The following SNTG1 variants were observed in gnomAD, a reference collection of about 807,000 sequenced individuals.
SNTG1 encodes the protein gamma-1-syntrophin.
SNTG1 carries 39 observed loss-of-function variants against 74.7 expected under a neutral mutation model. The observed-to-expected ratio is 0.52, with a 90% confidence interval of 0.40 to 0.68. SNTG1 has a LOEUF of 0.68. SNTG1 is among the 30% of genes least tolerant of loss of function. The pLI is 0.00. For synonymous variants in SNTG1, 254 were observed against 217.1 expected, an observed-to-expected ratio of 1.17 and a Z score of -1.49; for missense variants, 685 against 609.5, an observed-to-expected ratio of 1.12 and a Z score of -1.30.
intron 1 of SNTG1, among the ~76,000 whole-genome samples, chr8:50,004,075 T>C (rs1027549673): frequency 1.3e-5 from 2 of 152,154 alleles, no homozygotes; most frequent in African/African-American, 4.8e-5. Flanking sequence ...CAGGAAAAGC[T>C]AATACCCTGA....
At position 50,394,267 on chromosome 8, in the gene SNTG1, T is replaced by G; in HGVS notation, c.27+2T>G. 1 of 1,612,660 alleles carries G rather than the reference T, an allele frequency of 6.2e-7. No individual in the cohort carries two copies. The highest frequency in any genetic ancestry group is 8.5e-7 in the Non-Finnish European group (1 of 1,179,176). ...GATTTCAGAACCGCCTGTGAGGAGG[T>G]GAGTACAGAGCTTTCTGCTTTTCAA... On this transcript the variant is annotated splice_donor_variant, in intron 3 of 18. Transcript: ENST00000642720. LOFTEE classifies it high-confidence loss of function.
At chr8:50,568,618 G>A (rs1306385320) in intron 12 of SNTG1, among the ~76,000 whole-genome samples, 2 of 151,660 alleles carry the variant, frequency 1.3e-5, no homozygotes, top group Non-Finnish European at 2.9e-5. Flanking sequence ...ATACCTCTTG[G>A]CCATTCATAT....
intron 1 of SNTG1, among the ~76,000 whole-genome samples, chr8:50,127,467 G>T (rs1179373961): frequency 4.6e-5 from 7 of 152,032 alleles, no homozygotes; most frequent in Admixed American, 2.0e-4. Context: ...CATCAAAATG[G>T]TTATTCTGGC....
At chr8:50,355,313 T>A (rs145752720) in intron 2 of SNTG1, among the ~76,000 whole-genome samples, 2 of 152,060 alleles carry the variant, frequency 1.3e-5, no homozygotes, top group Admixed American at 6.5e-5. Context: ...CCACCTCCAA[T>A]CGAAATGACA....
intron 1 of SNTG1, among the ~76,000 whole-genome samples, chr8:49,996,980 A>C (rs1432750417): frequency 2.0e-5 from 3 of 152,138 alleles, no homozygotes; most frequent in Non-Finnish European, 4.4e-5. Flanking sequence ...TAATAGACTT[A>C]TTTTATCCAA....
At chr8:50,091,435 C>T (rs2079733549) in intron 1 of SNTG1, among the ~76,000 whole-genome samples, 1 of 152,116 alleles carries the variant, frequency 6.6e-6, no homozygotes, top group African/African-American at 2.4e-5. Flanking sequence ...TGAGAAACAT[C>T]TTCTCATGAT....
intron 1 of SNTG1, among the ~76,000 whole-genome samples, chr8:49,961,459 A>G (rs760252384): frequency 3.3e-5 from 5 of 152,230 alleles, no homozygotes; most frequent in Admixed American, 6.5e-5. Flanking sequence ...TTCCTTAAAC[A>G]TAATCATTCT....
chr8:50,770,973 A>G (rs572125434), intron 18 of SNTG1, among the ~76,000 whole-genome samples: 2 of 152,196 alleles, frequency 1.3e-5, no homozygotes, highest in Admixed American at 1.3e-4. Flanking sequence ...CACCATAATC[A>G]GAGCCAAATA....
rs1819112229 is a variant in SNTG1, at chr8:50,046,637, G to T, written c.-102-125924G>T. On this transcript the variant is annotated intron_variant, in intron 1 of 18. Coordinates refer to ENST00000642720, the MANE Select transcript of SNTG1 (RefSeq NM_018967.5). ...TTCATTAACCTGAATTCAATTAAATGAACCTAAAACAAAGGAGTTCATAGA... is the reference window on the plus strand; with the variant it reads ...TTCATTAACCTGAATTCAATTAAATTAACCTAAAACAAAGGAGTTCATAGA... 3.3e-5 allele frequency among the ~76,000 whole-genome samples: 5 copies of T among 152,046 alleles called. No individual in the cohort carries two copies. The South Asian group carries it at 1.0e-3, about 31-fold the overall frequency.
chr8:50,618,021 G>T (rs896714553), intron 13 of SNTG1, among the ~76,000 whole-genome samples: 9 of 152,114 alleles, frequency 5.9e-5, no homozygotes, highest in Admixed American at 3.9e-4. Flanking sequence ...AGAAAGTCTG[G>T]CAGACAGCAA....
chr8:50,287,475 G>A (rs909698118), intron 2 of SNTG1, among the ~76,000 whole-genome samples: 1 of 152,150 alleles, frequency 6.6e-6, no homozygotes, highest in African/African-American at 2.4e-5. Context: ...CCAGGGGACT[G>A]TCTGAGGCTC....
At chr8:50,579,564 C>T (rs2094596925) in intron 12 of SNTG1, among the ~76,000 whole-genome samples, 1 of 148,420 alleles carries the variant, frequency 6.7e-6, no homozygotes, top group Non-Finnish European at 1.5e-5. Context: ...TGGTCCAGGC[C>T]CCCCTGCTAT....
intron 9 of SNTG1, among the ~76,000 whole-genome samples, chr8:50,524,041 GC>G (rs1439199925): frequency 1.3e-5 from 2 of 151,960 alleles, no homozygotes; most frequent in Admixed American, 1.3e-4. Context: ...TAGTTACAGT[GC>G]CCCTCTTTTC....
At chr8:50,152,718 A>T (rs2082111803) in intron 1 of SNTG1, among the ~76,000 whole-genome samples, 1 of 152,192 alleles carries the variant, frequency 6.6e-6, no homozygotes, top group Non-Finnish European at 1.5e-5. Flanking sequence ...TTTCTTTAAG[A>T]ATGTTGAATA....
intron 8 of SNTG1, among the ~76,000 whole-genome samples, chr8:50,469,640 T>G (rs1218185012): frequency 6.6e-6 from 1 of 152,204 alleles, no homozygotes; most frequent in African/African-American, 2.4e-5. Context: ...TTTTCTCCCC[T>G]GATCTCTTCA....
chr8:50,371,215 G>A (rs764904041), intron 2 of SNTG1, among the ~76,000 whole-genome samples: 3 of 152,138 alleles, frequency 2.0e-5, no homozygotes, highest in African/African-American at 7.2e-5. Context: ...TGGTCACCAC[G>A]TTATTATGTG....
At chr8:50,019,843 C>T (rs1420675069) in intron 1 of SNTG1, among the ~76,000 whole-genome samples, 1 of 151,990 alleles carries the variant, frequency 6.6e-6, no homozygotes, top group East Asian at 1.9e-4. Flanking sequence ...GGGTGTGAAA[C>T]ATCATAAGCA....
At chr8:50,729,912 G>A (rs1194281846) in intron 17 of SNTG1, among the ~76,000 whole-genome samples, 2 of 152,132 alleles carry the variant, frequency 1.3e-5, no homozygotes, top group Non-Finnish European at 2.9e-5. Context: ...ATTATGATGG[G>A]TAAAAAGGCA....
intron 1 of SNTG1, among the ~76,000 whole-genome samples, chr8:50,121,468 G>T (rs1430251389): frequency 7.1e-6 from 1 of 141,492 alleles, no homozygotes; most frequent in Non-Finnish European, 1.6e-5. Flanking sequence ...TAAAAATAAT[G>T]TTACAGGTAC....
Sources: allele counts gnomAD v4.1 joint callset (sites outside exome capture counted in the v4.1 genomes callset), GRCh38; gene constraint gnomAD v4.1.1; transcripts MANE v1.5; gene names NCBI Gene and HGNC (gene_info 2026-07-23, HGNC 2026-07-21).